Variants in LMTK3 observed in about 807,000 individuals in gnomAD.
LMTK3 encodes the protein lemur tail kinase 3.
In LMTK3, 27 loss-of-function variants were observed where a neutral mutation model predicts 116.7. The observed-to-expected ratio is 0.23, with a 90% CI of 0.17 to 0.32. LMTK3 has a LOEUF of 0.32. LMTK3 is among the 10% of genes least tolerant of loss of function. LMTK3 has a pLI of 1.00. For synonymous variants in LMTK3, 965 were observed against 971.0 expected, an observed-to-expected ratio of 0.99 and a Z score of 0.11; for missense variants, 1,764 against 2,068.5, an observed-to-expected ratio of 0.85 and a Z score of 2.86.
chr19:48,507,193 C>T (rs1972584468), intron 5 of LMTK3, among the ~76,000 whole-genome samples: 1 of 152,208 alleles, frequency 6.6e-6, no homozygotes, highest in South Asian at 2.1e-4. Context: ...TCACTGCACA[C>T]CCACGAATCT....
At chr19:48,502,158 C>A (rs1029472275) in intron 7 of LMTK3, among the ~76,000 whole-genome samples, 1 of 139,290 alleles carries the variant, frequency 7.2e-6, no homozygotes, top group Admixed American at 7.1e-5. Context: ...ACCCCTCCCC[C>A]TCCCCTGGTT....
At position 48,491,674 on chromosome 19, in the gene LMTK3, G is replaced by C; in HGVS notation, c.4093-135C>G. On this transcript the variant is annotated intron_variant, in intron 12 of 14. Coordinates refer to ENST00000600059, the MANE Select transcript of LMTK3 (RefSeq NM_001388485.1). The surrounding 1 kb of genome is among the most constrained non-coding windows in gnomAD (Gnocchi z 5.1). ...CCAATTTGTAATCACTGACTCGCAC[G>C]CTCTGGAGAGGTGGCTGGAGCCCCT... 1 of 827,008 alleles carries C rather than the reference G, an allele frequency of 1.2e-6. No individual in the cohort carries two copies. The highest frequency in any genetic ancestry group is 1.6e-6 in the Non-Finnish European group (1 of 611,538). The allele number at this position is 827,008 out of a possible 1,614,324, so 51.2% of individuals were successfully genotyped here. A position where few individuals can be genotyped will look rare whatever the true frequency, so the allele number is the denominator to read the frequency against.
rs1972104210 is a variant in LMTK3, at chr19:48,485,418, T to G, written c.*355A>C. 1 of 225,940 alleles carries G rather than the reference T, an allele frequency of 4.4e-6. No individual in the cohort carries two copies. Among genetic ancestry groups the G allele is most frequent in the East Asian group, 9.7e-5 (1 of 10,358 alleles). 14.0% of individuals were successfully genotyped at this position (225,940 alleles called of 1,614,324 possible). A position where few individuals can be genotyped will look rare whatever the true frequency, so the allele number is the denominator to read the frequency against. On this transcript the variant is annotated 3_prime_UTR_variant, in exon 15 of 15. Coordinates refer to ENST00000600059, the MANE Select transcript of LMTK3 (RefSeq NM_001388485.1). ...CCGGGTCCCCGAAGCCTGCGGCCCC[T>G]GTCTTGGGCCAGGAGTGGGTGAGGA...
At position 48,499,923 on chromosome 19, in the gene LMTK3, G is replaced by T. The variant is rs375957242; in HGVS notation, c.1152-6C>A. ...AGGACTGAAGAATGTCATACCTGGG[G>T]AGAGGTGGGGCAGAGTGAGCAGGGC... On this transcript the variant is annotated splice_region_variant and splice_polypyrimidine_tract_variant and intron_variant, in intron 10 of 14. Transcript: ENST00000600059. 29 of 1,580,494 alleles carry T rather than the reference G, an allele frequency of 1.8e-5. 1 individual carries two copies. In the African/African-American group the frequency reaches 3.4e-4, roughly 18 times the overall value.
In LMTK3 at chr19:48,498,390, G is replaced by T; in HGVS notation, c.2679C>A (p.Gly893=). The T allele has an allele frequency of 6.2e-7, 1 of 1,611,302 alleles. No individual in the cohort carries two copies. The highest frequency in any genetic ancestry group is 8.5e-7 in the Non-Finnish European group (1 of 1,179,024). ...RETGPRKAGR[G]PGNREKVPGL... is the part of the protein sequence containing the mutation. ...CCGGGACTTTCTCTCTGTTCCCGGG[G>T]CCTCTCCCCGCCTTCCTGGGTCCTG... is the stretch of plus-strand genomic sequence containing the variant. The change falls in exon 11 of 15, where the codon GGC becomes GGA. Residue 893 remains glycine (G), a synonymous_variant. Transcript: ENST00000600059.
At chr19:48,506,661 G>A (rs1264435184) in intron 5 of LMTK3, among the ~76,000 whole-genome samples, 1 of 152,096 alleles carries the variant, frequency 6.6e-6, no homozygotes, top group Non-Finnish European at 1.5e-5. Flanking sequence ...TGGAAGAATC[G>A]TGTAACAAAG....
At position 48,498,557 on chromosome 19, in the gene LMTK3, C is replaced by A; in HGVS notation, c.2512G>T (p.Asp838Tyr). The A allele has an allele frequency of 6.4e-7, 1 of 1,560,868 alleles. No homozygotes were observed. The highest frequency in any genetic ancestry group is 1.2e-5 in the South Asian group (1 of 85,372). Residue 838 changes from aspartate to tyrosine, a missense_variant, in exon 11 of 15, where the codon GAC (aspartate) becomes TAC (tyrosine). This residue lies in a region of LMTK3 where 1,028 missense variants were observed against 1,050.6 expected (regional missense o/e 0.98). Transcript: ENST00000600059. ...PDPGAPRPPPDPGPLPLPGPR... is the reference protein window; with the variant it reads ...PDPGAPRPPPYPGPLPLPGPR... ...CCCGGGAGTGGGAGCGGACCCGGGT[C>A]TGGAGGTGGCCGGGGCGCTCCTGGG...
chr19:48,495,022 T>G (rs551558603), intron 11 of LMTK3, among the ~76,000 whole-genome samples: 26 of 152,066 alleles, frequency 1.7e-4, no homozygotes, highest in East Asian at 9.6e-4. Flanking sequence ...TTTGTTTTTT[T>G]TTTTGAAATG....
chr19:48,500,524 C>T lies in LMTK3; in HGVS notation c.1151+472G>A, dbSNP rs1485824426. On this transcript the variant is annotated intron_variant, in intron 10 of 14. Coordinates refer to ENST00000600059, the MANE Select transcript of LMTK3 (RefSeq NM_001388485.1). This position sits in a 1 kb window ranked among gnomAD's most constrained non-coding sequence, Gnocchi z 4.0. ...CTAGAGAGAGAGGGAAACATAGACC[C>T]AAAAAGTGGGGCAGAGATCCAGGGA... Among the ~76,000 whole-genome samples, 1 of 151,900 alleles carries T rather than the reference C, an allele frequency of 6.6e-6. No individual in the cohort carries two copies. The highest frequency in any genetic ancestry group is 1.5e-5 in the Non-Finnish European group (1 of 68,000).
chr19:48,497,810 C>T lies in LMTK3; in HGVS notation c.3259G>A (p.Gly1087Arg). 1 of 1,385,880 alleles carries T rather than the reference C, an allele frequency of 7.2e-7. No homozygotes were observed. The highest frequency in any genetic ancestry group is 9.3e-7 in the Non-Finnish European group (1 of 1,075,900). The allele number at this position is 1,385,880 out of a possible 1,614,324, so 85.8% of individuals were successfully genotyped here. ...PAPKNGTLEP[G>R]TERRAPETGG... Reference sequence around the variant, plus strand: ...GTCTCGGGGGCTCTCCTCTCGGTCCCGGGTTCCAGCGTCCCGTTCTTGGGG... The same window carrying T: ...GTCTCGGGGGCTCTCCTCTCGGTCCTGGGTTCCAGCGTCCCGTTCTTGGGG... The change falls in exon 11 of 15, where the codon GGG (glycine) becomes AGG (arginine). Residue 1087 changes from glycine (G) to arginine (R), a missense_variant. Transcript: ENST00000600059. The surrounding 1 kb of genome is among the most constrained non-coding windows in gnomAD (Gnocchi z 5.7).
chr19:48,498,721 A>T lies in LMTK3; in HGVS notation c.2348T>A (p.Leu783His). The T allele has an allele frequency of 6.7e-7, 1 of 1,499,620 alleles. No homozygotes were observed. The highest frequency in any genetic ancestry group is 8.9e-7 in the Non-Finnish European group (1 of 1,128,808). 92.9% of individuals were successfully genotyped at this position (1,499,620 alleles called of 1,614,324 possible). Residue 783 changes from leucine (L) to histidine (H), a missense_variant, in exon 11 of 15, where the codon CTC becomes CAC. This residue lies in a region of LMTK3 where 1,028 missense variants were observed against 1,050.6 expected (regional missense o/e 0.98). Coordinates refer to ENST00000600059, the MANE Select transcript of LMTK3 (RefSeq NM_001388485.1). ...CCCCGGCTTGGGGCCCGGCGACGAGAGGCCTGAACCGGGACTGGCCACGGC... is the reference window on the plus strand; with the variant it reads ...CCCCGGCTTGGGGCCCGGCGACGAGTGGCCTGAACCGGGACTGGCCACGGC... The part of the protein sequence containing the change: ...PSAVASPGSG[L>H]SSPGPKPGDS...
intron 5 of LMTK3, among the ~76,000 whole-genome samples, chr19:48,506,716 G>A (rs1047173846): frequency 9.2e-5 from 14 of 152,292 alleles, no homozygotes; most frequent in Non-Finnish European, 1.9e-4. Context: ...CCAGGCTGGA[G>A]TACAGTGGTG....
Position 48,498,869 on chromosome 19 carries a change from C to T in LMTK3, c.2200G>A (p.Asp734Asn). The change falls in exon 11 of 15, where the codon GAC becomes AAC. Residue 734 changes from aspartate (D) to asparagine (N), a missense_variant. Around this residue, in one of 7 missense-constraint regions of LMTK3, gnomAD observed 1,028 missense variants for 1,050.6 expected, o/e 0.98. Coordinates refer to ENST00000600059, the MANE Select transcript of LMTK3 (RefSeq NM_001388485.1). ...GGCGCCGCCGCCCCCATGAGGGGGT[C>T]CAGAAACTCGGGGGGGGCCGAGGCG... ...PPASAPPEFLDPLMGAAAPQY... is the reference protein window; with the variant it reads ...PPASAPPEFLNPLMGAAAPQY... The T allele has an allele frequency of 8.3e-7, 1 of 1,198,670 alleles. No individual in the cohort carries two copies. The highest frequency in any genetic ancestry group is 1.1e-6 in the Non-Finnish European group (1 of 947,774). 74.3% of individuals were successfully genotyped at this position (1,198,670 alleles called of 1,614,324 possible).
rs1187223861 is a variant in LMTK3, at chr19:48,502,546, G to T, written c.681C>A (p.Pro227=). ...GTAGCTCAGGGGACAGGCCCTCGGG[G>T]GGCCGCTGGGCTCGGAGGTAACGCT... ...DLKRYLRAQR[P]PEGLSPELPP... is the part of the protein sequence containing the mutation. The change falls in exon 7 of 15, where the codon CCC becomes CCA. Residue 227 remains proline (P), a synonymous_variant. Coordinates refer to ENST00000600059, the MANE Select transcript of LMTK3 (RefSeq NM_001388485.1). 2 of 1,581,918 alleles carry T rather than the reference G, an allele frequency of 1.3e-6. No homozygotes were observed. The highest frequency in any genetic ancestry group is 2.7e-5 in the African/African-American group (2 of 73,548).
intron 11 of LMTK3, among the ~76,000 whole-genome samples, chr19:48,496,735 C>T (rs1015252341): frequency 6.6e-6 from 1 of 152,252 alleles, no homozygotes; most frequent in Non-Finnish European, 1.5e-5. Flanking sequence ...AGGCATGAGC[C>T]ACAGAGCCCA....
Position 48,510,010 on chromosome 19 carries a change from C to T in LMTK3, c.361+13G>A, listed in dbSNP as rs376279443. On this transcript the variant is annotated intron_variant, in intron 3 of 14. Transcript: ENST00000600059. ...GGACACCATGGGATGCTGGTCATGG[C>T]GTGGGGCAGTACCTGAGTGTGAAGG... 3 of 1,612,984 alleles carry T rather than the reference C, an allele frequency of 1.9e-6. No individual in the cohort carries two copies. Among genetic ancestry groups the T allele is most frequent in the African/African-American group, 2.7e-5 (2 of 74,914 alleles).
chr19:48,494,125 C>A lies in LMTK3; in HGVS notation c.3677-16G>T, dbSNP rs1972282509. On this transcript the variant is annotated splice_polypyrimidine_tract_variant and intron_variant, in intron 11 of 14. Transcript: ENST00000600059. The surrounding 1 kb of genome is among the most constrained non-coding windows in gnomAD (Gnocchi z 4.0). The stretch of plus-strand genomic sequence containing the variant: ...GAGAGCCTGGCTGCGAGGGGAGAGA[C>A]CTGGTGAGCCCCTGTCCCGGTGAAA... 2 of 1,189,726 alleles carry A rather than the reference C, an allele frequency of 1.7e-6. No homozygotes were observed. The highest frequency in any genetic ancestry group is 2.1e-6 in the Non-Finnish European group (2 of 959,084). 73.7% of individuals were successfully genotyped at this position (1,189,726 alleles called of 1,614,324 possible).
At chr19:48,511,043 G>A (rs1041019167) in intron 1 of LMTK3, among the ~76,000 whole-genome samples, 2 of 152,306 alleles carry the variant, frequency 1.3e-5, no homozygotes, top group Admixed American at 1.3e-4. Context: ...TTGTGGGGTT[G>A]AGATCTGTCT....
At chr19:48,513,423 G>A, upstream of LMTK3, 2 of 560,424 alleles carry the variant, frequency 3.6e-6, no homozygotes, top group African/African-American at 3.8e-5. The surrounding 1 kb of genome is among the most constrained non-coding windows in gnomAD (Gnocchi z 5.6). Flanking sequence ...GCAAAGCTGG[G>A]ACTGGAACCC....
Sources: gnomAD v4.1 joint callset for allele counts (sites outside exome capture counted in the v4.1 genomes callset) on GRCh38, gnomAD v4.1.1 for gene constraint, gnomAD v4.1.1 regional missense constraint, Gnocchi (gnomAD v3.1) non-coding constraint, MANE v1.5 for transcripts, NCBI Gene and HGNC (gene_info 2026-07-23, HGNC 2026-07-21) for gene names.